Variants in PPP2R1B observed in about 807,000 individuals in gnomAD.
The protein encoded by PPP2R1B is protein phosphatase 2 scaffold subunit Abeta.
Under a neutral mutation model 72.7 loss-of-function variants are expected in PPP2R1B, and 58 were observed. That is an observed-to-expected ratio of 0.80 (90% confidence interval 0.65 to 0.99). PPP2R1B has a LOEUF of 0.99. Ranked by LOEUF, PPP2R1B falls within the 50% of genes least tolerant of loss-of-function variation. The pLI is 0.00. For synonymous variants in PPP2R1B, 256 were observed against 264.6 expected (o/e 0.97, Z 0.32); for missense variants, 695 against 733.6 (o/e 0.95, Z 0.61).
intron 15 of PPP2R1B, among the ~76,000 whole-genome samples, chr11:111,732,333 C>A (rs147754386): frequency 6.6e-6 from 1 of 152,310 alleles, no homozygotes; most frequent in Non-Finnish European, 1.5e-5. Context: ...GGTTCCTGGG[C>A]CCCCGAGGCC....
downstream of PPP2R1B, among the ~76,000 whole-genome samples, chr11:111,737,190 T>C (rs1365044488): frequency 1.3e-5 from 2 of 152,166 alleles, no homozygotes; most frequent in Non-Finnish European, 2.9e-5. Context: ...TGGGAGGTGA[T>C]AGGAGATGGG....
the PPP2R1B span, among the ~76,000 whole-genome samples, chr11:111,715,310 C>G: frequency 6.6e-6 from 1 of 152,030 alleles, no homozygotes; most frequent in African/African-American, 2.4e-5. Context: ...AATAAGTGCA[C>G]ACACACACAC....
At position 111,743,452 on chromosome 11, in the gene PPP2R1B, G is replaced by A; in HGVS notation, c.1478C>T (p.Thr493Ile). Residue 493 changes from threonine (T) to isoleucine (I), a missense_variant, in exon 12 of 15, where the codon ACT (threonine) becomes ATT (isoleucine). By Grantham distance (89) the Thr-to-Ile change is moderately conservative (BLOSUM62 -1). Coordinates refer to ENST00000527614, the MANE Select transcript of PPP2R1B (RefSeq NM_002716.5). ...QKFGTEWAQNTIVPKVLVMAN... is the reference protein window; with the variant it reads ...QKFGTEWAQNIIVPKVLVMAN... Reference sequence around the variant, plus strand: ...CATTACTAACACTTTGGGAACAATAGTATTTTGGGCCCACTCTGTACCAAA... The same window carrying A: ...CATTACTAACACTTTGGGAACAATAATATTTTGGGCCCACTCTGTACCAAA... The A allele has an allele frequency of 3.1e-6, 5 of 1,613,712 alleles. No homozygotes were observed. The highest frequency in any genetic ancestry group is 4.2e-6 in the Non-Finnish European group (5 of 1,179,680).
At position 111,753,423 on chromosome 11, in the gene PPP2R1B, G is replaced by C. The variant is rs782305666; in HGVS notation, c.1164+20C>G. ...AATCAAATTACTATCAAAGGCAACA[G>C]AACATAAAGCAAGACCCACCTCATC... On this transcript the variant is annotated intron_variant, in intron 9 of 14. Coordinates refer to ENST00000527614, the MANE Select transcript of PPP2R1B (RefSeq NM_002716.5). The C allele has an allele frequency of 2.5e-6, 4 of 1,604,330 alleles. No homozygotes were observed. The South Asian group carries it at 4.5e-5, about 18-fold the overall frequency.
the PPP2R1B span, among the ~76,000 whole-genome samples, chr11:111,692,691 ATCT>A: frequency 6.6e-6 from 1 of 152,196 alleles, no homozygotes; most frequent in Non-Finnish European, 1.5e-5. Context: ...TTTAAGGATC[ATCT>A]TCTTATCTCT....
chr11:111,726,278 C>T (rs539647271), downstream of PPP2R1B: 25 of 152,310 alleles, frequency 1.6e-4, no homozygotes, highest in African/African-American at 5.3e-4. Context: ...ACTCCTGCCC[C>T]CCAACAATGC....
At chr11:111,722,719 C>T, downstream of PPP2R1B, 1 of 1,614,148 alleles carries the variant, frequency 6.2e-7, no homozygotes, top group Non-Finnish European at 8.5e-7. The surrounding 1 kb of genome is among the most constrained non-coding windows in gnomAD (Gnocchi z 4.4). Flanking sequence ...TTGCAAAGAA[C>T]CACCGCGGAG....
At chr11:111,747,048 G>A (rs1279502707) in intron 11 of PPP2R1B, among the ~76,000 whole-genome samples, 1 of 152,094 alleles carries the variant, frequency 6.6e-6, no homozygotes, top group Non-Finnish European at 1.5e-5. Context: ...AGCACCCATA[G>A]ATGAACAAAG....
rs113919538 is a variant in PPP2R1B at position 111,766,190 on chromosome 11, C to A, written c.114+58G>T. On this transcript the variant is annotated intron_variant, in intron 1 of 14. Transcript: ENST00000527614. Reference sequence around the variant, plus strand: ...CCCCCACCGCGACGCAGGCCTTCCCCCTTCTCTACCACGCGACCAGCCGGT... The same window carrying A: ...CCCCCACCGCGACGCAGGCCTTCCCACTTCTCTACCACGCGACCAGCCGGT... 4.8e-4 allele frequency: 759 copies of A among 1,568,332 alleles called. 2 individuals are homozygous for A. The African/African-American group carries it at 9.3e-3, about 19-fold the overall frequency.
chr11:111,758,651 G>C (rs1945216423), intron 5 of PPP2R1B, among the ~76,000 whole-genome samples: 1 of 151,982 alleles, frequency 6.6e-6, no homozygotes, highest in African/African-American at 2.4e-5. Context: ...TACCATAAAA[G>C]TCAGGATAAT....
downstream of PPP2R1B, chr11:111,724,332 A>C (rs1211450040): frequency 1.4e-6 from 1 of 702,414 alleles, no homozygotes; most frequent in African/African-American, 1.8e-5. Flanking sequence ...TTCTGTGGCA[A>C]GTGCTGGAAC....
At chr11:111,720,326 T>G in the PPP2R1B span, 2 of 831,138 alleles carry the variant, frequency 2.4e-6, no homozygotes, top group Non-Finnish European at 1.8e-6. Flanking sequence ...TGAAGATGAC[T>G]AAATTGGCCA....
rs782051140 is a variant in PPP2R1B at position 111,755,097 on chromosome 11, A to T, written c.844-3T>A. 7 of 1,602,258 alleles carry T rather than the reference A, an allele frequency of 4.4e-6. No homozygotes were observed. The highest frequency in any genetic ancestry group is 4.3e-6 in the Non-Finnish European group (5 of 1,171,814). Reference sequence around the variant, plus strand: ...TTAGGACCCATGGCTTTCTGGAGCTATAAAAGAATTTGAACGGGTTTTAAT... The same window carrying T: ...TTAGGACCCATGGCTTTCTGGAGCTTTAAAAGAATTTGAACGGGTTTTAAT... On this transcript the variant is annotated splice_polypyrimidine_tract_variant and splice_region_variant and intron_variant, in intron 6 of 14. Coordinates refer to ENST00000527614, the MANE Select transcript of PPP2R1B (RefSeq NM_002716.5).
chr11:111,708,716 T>TG, the PPP2R1B span, among the ~76,000 whole-genome samples: 1 of 152,110 alleles, frequency 6.6e-6, no homozygotes, highest in East Asian at 1.9e-4. Flanking sequence ...CCCAAGTAGC[T>TG]GGGACCACAA....
At position 111,738,551 on chromosome 11, in the gene PPP2R1B, A is replaced by C. The variant is rs1419422257; in HGVS notation, c.*3045T>G. On this transcript the variant is annotated 3_prime_UTR_variant, in exon 15 of 15. Transcript: ENST00000527614. ...TGAATGCCTGGACAAGCCAGCTCAA[A>C]GGTCAGGCTGCCGTCTCTGTTGAGT... 3.0e-6 allele frequency: 3 copies of C among 985,372 alleles called. No homozygotes were observed. In the East Asian group the frequency reaches 3.4e-4, roughly 112 times the overall value. The allele number at this position is 985,372 out of a possible 1,614,324, so 61.0% of individuals were successfully genotyped here.
At chr11:111,747,591 C>G (rs1165698357) in intron 11 of PPP2R1B, among the ~76,000 whole-genome samples, 1 of 152,164 alleles carries the variant, frequency 6.6e-6, no homozygotes, top group African/African-American at 2.4e-5. Context: ...CATCTGATTC[C>G]AATCTCCATA....
At chr11:111,724,248 G>A (rs1205843376), downstream of PPP2R1B, 2 of 1,377,358 alleles carry the variant, frequency 1.5e-6, no homozygotes, top group Admixed American at 2.6e-5. Context: ...GAGAAATCGA[G>A]CCACCCAACT....
At chr11:111,732,191 C>CCCCACT (rs1440273449) in intron 15 of PPP2R1B, among the ~76,000 whole-genome samples, 1 of 152,222 alleles carries the variant, frequency 6.6e-6, no homozygotes, top group East Asian at 1.9e-4. Context: ...TCCTGGCGAG[C>CCCCACT]AGCTGCTTTC....
intron 3 of PPP2R1B, among the ~76,000 whole-genome samples, chr11:111,761,713 C>T (rs1319716121): frequency 6.6e-6 from 1 of 152,178 alleles, no homozygotes; most frequent in Non-Finnish European, 1.5e-5. Context: ...TAATCCCAGC[C>T]GTCGGGAGGC....
Sources: gnomAD v4.1 joint callset for allele counts (sites outside exome capture counted in the v4.1 genomes callset) on GRCh38, gnomAD v4.1.1 for gene constraint, Gnocchi (gnomAD v3.1) non-coding constraint, MANE v1.5 for transcripts, NCBI Gene and HGNC (gene_info 2026-07-23, HGNC 2026-07-21) for gene names.